The following SGCZ variants were observed in gnomAD, a reference collection of about 807,000 sequenced individuals.
SGCZ encodes the protein sarcoglycan zeta.
SGCZ carries 40 observed loss-of-function variants against 41.3 expected under a neutral mutation model. That is an observed-to-expected ratio of 0.97 (90% CI 0.75 to 1.26). The LOEUF (loss-of-function observed/expected upper bound fraction) is 1.26. SGCZ is among the 50% of genes most tolerant of loss of function. The pLI is 0.00. For synonymous variants in SGCZ, 206 were observed against 137.5 expected, an observed-to-expected ratio of 1.50 and a Z score of -3.49; for missense variants, 552 against 369.8, an observed-to-expected ratio of 1.49 and a Z score of -4.04.
intron 5 of SGCZ, among the ~76,000 whole-genome samples, chr8:14,132,031 C>A (rs2117059634): frequency 6.6e-6 from 1 of 152,224 alleles, no homozygotes; most frequent in South Asian, 2.1e-4. Context: ...ATAAGTAATG[C>A]ATGATTGTAT....
Position 14,844,118 on chromosome 8 carries a change from C to T in SGCZ, c.40-289192G>A, listed in dbSNP as rs58756162. Among the ~76,000 whole-genome samples, 404 of 152,062 alleles carry T rather than the reference C, an allele frequency of 2.7e-3. 3 individuals carry two copies. The highest frequency in any genetic ancestry group is 9.2e-3 in the African/African-American group (382 of 41,472). ...CATGGTTTCAGGACCTCCATGTATA[C>T]TGTACCAAAATTCACAAACACTCAA... On this transcript the variant is annotated intron_variant, in intron 1 of 7. Transcript: ENST00000382080.
intron 2 of SGCZ, among the ~76,000 whole-genome samples, chr8:14,543,006 T>G (rs1803517212): frequency 6.6e-6 from 1 of 152,024 alleles, no homozygotes. Context: ...GTAAACAAGC[T>G]TAAGTACAAA....
At chr8:14,184,852 T>C (rs1341094428) in intron 4 of SGCZ, among the ~76,000 whole-genome samples, 1 of 152,200 alleles carries the variant, frequency 6.6e-6, no homozygotes, top group Non-Finnish European at 1.5e-5. Context: ...CCCTCTAACT[T>C]AAAACTATAC....
intron 5 of SGCZ, among the ~76,000 whole-genome samples, chr8:14,117,154 C>T (rs958394765): frequency 8.6e-5 from 13 of 151,984 alleles, no homozygotes; most frequent in African/African-American, 3.1e-4. Context: ...GGTGTTTGTC[C>T]TCTGACCTAC....
intron 1 of SGCZ, among the ~76,000 whole-genome samples, chr8:14,984,813 G>C (rs938255114): frequency 6.6e-6 from 1 of 152,094 alleles, no homozygotes; most frequent in Non-Finnish European, 1.5e-5. Flanking sequence ...TTAGTTTTCT[G>C]TGTAGTGTAG....
At chr8:15,093,883 T>G (rs1453657344) in intron 1 of SGCZ, among the ~76,000 whole-genome samples, 1 of 152,168 alleles carries the variant, frequency 6.6e-6, no homozygotes, top group African/African-American at 2.4e-5. Flanking sequence ...ACAGTATCAT[T>G]TATTCACAAA....
intron 3 of SGCZ, among the ~76,000 whole-genome samples, chr8:14,242,047 C>T (rs1798911802): frequency 6.6e-6 from 1 of 152,170 alleles, no homozygotes; most frequent in Admixed American, 6.5e-5. Context: ...TCTTTATTTT[C>T]TGGAGTTCCC....
intron 2 of SGCZ, among the ~76,000 whole-genome samples, chr8:14,449,932 C>T (rs1056163242): frequency 2.0e-5 from 3 of 151,702 alleles, no homozygotes; most frequent in Admixed American, 6.6e-5. Flanking sequence ...CAAAACTTAA[C>T]AATATAGACA....
intron 1 of SGCZ, among the ~76,000 whole-genome samples, chr8:14,856,399 T>G (rs963976274): frequency 1.6e-4 from 24 of 152,114 alleles, no homozygotes; most frequent in Non-Finnish European, 3.2e-4. Flanking sequence ...AGAAGAAGTG[T>G]ACTTAGATGA....
intron 1 of SGCZ, among the ~76,000 whole-genome samples, chr8:14,866,334 A>T (rs1376476671): frequency 1.3e-5 from 2 of 152,124 alleles, no homozygotes; most frequent in African/African-American, 4.8e-5. Context: ...CTACAGATTA[A>T]AAGGTAAAAC....
intron 1 of SGCZ, among the ~76,000 whole-genome samples, chr8:15,084,198 G>T (rs1318542520): frequency 1.1e-4 from 16 of 152,092 alleles, no homozygotes; most frequent in Admixed American, 1.0e-3. Context: ...GATCAATATT[G>T]TCCGTGGTCA....
intron 4 of SGCZ, among the ~76,000 whole-genome samples, chr8:14,229,573 A>G (rs1478036): frequency 0.6 from 90,818 of 151,776 alleles, 27,516 homozygotes; most frequent in East Asian, 0.76. Context: ...TCTATCCTTC[A>G]AGATTTGCAC....
intron 7 of SGCZ, among the ~76,000 whole-genome samples, chr8:14,091,171 CT>C (rs36005965): frequency 5.7e-4 from 86 of 151,314 alleles, no homozygotes; most frequent in Middle Eastern, 6.8e-3. Context: ...TGAACTCATC[CT>C]TTTTTATGGC....
At chr8:14,525,451 T>G (rs2117111092) in intron 2 of SGCZ, among the ~76,000 whole-genome samples, 1 of 152,298 alleles carries the variant, frequency 6.6e-6, no homozygotes, top group East Asian at 1.9e-4. Context: ...TGTTTTCATC[T>G]TTCGGTGACA....
At chr8:14,865,783 G>C (rs1038402554) in intron 1 of SGCZ, among the ~76,000 whole-genome samples, 8 of 152,122 alleles carry the variant, frequency 5.3e-5, no homozygotes, top group African/African-American at 1.9e-4. Flanking sequence ...AAGCACTTAG[G>C]GAACTAGCTA....
At chr8:14,346,688 A>C (rs537782100) in intron 2 of SGCZ, among the ~76,000 whole-genome samples, 16 of 152,194 alleles carry the variant, frequency 1.1e-4, no homozygotes, top group Admixed American at 1.0e-3. Flanking sequence ...TTTACATTAT[A>C]AGGGAAGAAT....
rs76162648 is a variant in SGCZ at position 15,101,618 on chromosome 8, C to T, written c.39+135967G>A. ...GTGGAACAATAGAAATTCTCATTCA[C>T]TGCTAGAGGGAATGAAAATTGGTAA... On this transcript the variant is annotated intron_variant, in intron 1 of 7. Coordinates refer to ENST00000382080, the MANE Select transcript of SGCZ (RefSeq NM_139167.4). Among the ~76,000 whole-genome samples the T allele has an allele frequency of 8.3e-4, 126 of 152,256 alleles. 2 individuals are homozygous for T. In the East Asian group the frequency reaches 0.022, roughly 26 times the overall value.
chr8:14,569,418 T>G (rs1018954393), intron 1 of SGCZ, among the ~76,000 whole-genome samples: 3 of 152,222 alleles, frequency 2.0e-5, no homozygotes, highest in Non-Finnish European at 4.4e-5. Flanking sequence ...AGCTTCTGCT[T>G]TATTTCTTGT....
chr8:15,141,930 G>T (rs1008366813), intron 1 of SGCZ, among the ~76,000 whole-genome samples: 2 of 151,756 alleles, frequency 1.3e-5, no homozygotes, highest in African/African-American at 4.8e-5. Flanking sequence ...GAGAACCTCA[G>T]TGAAAAGATC....
Sources: allele counts gnomAD v4.1 joint callset (sites outside exome capture counted in the v4.1 genomes callset), GRCh38; gene constraint gnomAD v4.1.1; transcripts MANE v1.5; gene names NCBI Gene and HGNC (gene_info 2026-07-23, HGNC 2026-07-21).